ATP9A: variants seen among roughly 807,000 people sequenced by gnomAD.
ATP9A encodes ATPase phospholipid transporting 9A.
Under a neutral mutation model 144.1 loss-of-function variants are expected in ATP9A, and 52 were observed. That is an observed-to-expected ratio of 0.36 (90% CI 0.29 to 0.45). The LOEUF (loss-of-function observed/expected upper bound fraction) is 0.45, where lower values mean the gene tolerates loss of function less well. Among genes scored for constraint, ATP9A ranks in the 20% least tolerant of loss-of-function variants. ATP9A has a pLI of 1.00. For synonymous variants in ATP9A, 582 were observed against 557.4 expected, an observed-to-expected ratio of 1.04 and a Z score of -0.62; for missense variants, 947 against 1,392.7, an observed-to-expected ratio of 0.68 and a Z score of 5.09.
In ATP9A at chr20:51,744,166, TTTTG is replaced by T. The variant is rs568662482; in HGVS notation, c.69-14192_69-14189del. Among the ~76,000 whole-genome samples the T allele has an allele frequency of 3.7e-4, 56 of 152,202 alleles. 1 individual carries two copies. Among genetic ancestry groups the T allele is most frequent in the South Asian group, 2.9e-3 (14 of 4,818 alleles). On this transcript the variant is annotated intron_variant, in intron 1 of 27. Coordinates refer to ENST00000338821, the MANE Select transcript of ATP9A (RefSeq NM_006045.3). ...CCATTTATTTATTATTTTATTTATTTTTTGTTTGTTTGTTTTTGAGACAGGGTCT... is the reference window on the plus strand; with the variant it reads ...CCATTTATTTATTATTTTATTTATTTTTTGTTTGTTTTTGAGACAGGGTCT...
At position 51,598,393 on chromosome 20, in the gene ATP9A, G is replaced by A. The variant is rs1274494916; in HGVS notation, c.*2818C>T. Reference sequence around the variant, plus strand: ...GAAAAGTGTTCAAACAGTGCTGACTGTGTACCTCAAGGCCCTCTGACCTCA... The same window carrying A: ...GAAAAGTGTTCAAACAGTGCTGACTATGTACCTCAAGGCCCTCTGACCTCA... On this transcript the variant is annotated 3_prime_UTR_variant, in exon 28 of 28. Coordinates refer to ENST00000338821, the MANE Select transcript of ATP9A (RefSeq NM_006045.3). 6.6e-5 allele frequency: 10 copies of A among 152,172 alleles called. No individual in the cohort carries two copies. The highest frequency in any genetic ancestry group is 1.5e-4 in the Non-Finnish European group (10 of 68,040). 9.4% of individuals were successfully genotyped at this position (152,172 alleles called of 1,614,324 possible).
chr20:51,613,218 T>C (rs1165291955), intron 23 of ATP9A, among the ~76,000 whole-genome samples: 6 of 152,234 alleles, frequency 3.9e-5, no homozygotes, highest in Admixed American at 3.3e-4. Context: ...TGTTCTCTGA[T>C]GGCCCTTACC....
Position 51,654,197 on chromosome 20 carries a change from C to T in ATP9A, c.1506+2741G>A, listed in dbSNP as rs955031143. ...AGCCTGGTTCAAATGTCAACAGTCA[C>T]GGATGAACTGGGTTTTATAGCTTGA... On this transcript the variant is annotated intron_variant, in intron 14 of 27. Coordinates refer to ENST00000338821, the MANE Select transcript of ATP9A (RefSeq NM_006045.3). 7.2e-5 allele frequency among the ~76,000 whole-genome samples: 11 copies of T among 152,208 alleles called. No individual in the cohort carries two copies. The East Asian group carries it at 1.2e-3, about 16-fold the overall frequency.
intron 1 of ATP9A, among the ~76,000 whole-genome samples, chr20:51,730,326 G>A (rs1351549712): frequency 6.6e-6 from 1 of 152,184 alleles, no homozygotes; most frequent in Non-Finnish European, 1.5e-5. Flanking sequence ...AAATTAGCCG[G>A]GCGTGTTGGC....
chr20:51,713,999 C>T (rs1373057146), intron 3 of ATP9A, among the ~76,000 whole-genome samples: 2 of 151,832 alleles, frequency 1.3e-5, no homozygotes, highest in Non-Finnish European at 2.9e-5. Context: ...CTCCACCTCC[C>T]GGGTTCAAGC....
At chr20:51,644,267 CTTTTTTTT>C (rs772071945) in intron 14 of ATP9A, among the ~76,000 whole-genome samples, 1 of 76,000 alleles carries the variant, frequency 1.3e-5, no homozygotes, top group Non-Finnish European at 2.6e-5. Context: ...TTACTTCTAG[CTTTTTTTT>C]TTTTTTTTTT....
At chr20:51,751,323 G>A (rs377049088) in intron 1 of ATP9A, among the ~76,000 whole-genome samples, 9 of 143,050 alleles carry the variant, frequency 6.3e-5, no homozygotes, top group Admixed American at 4.3e-4. Context: ...GCAGTGACGC[G>A]ATCATGGCTC....
At chr20:51,707,823 A>C (rs1235774354) in intron 4 of ATP9A, among the ~76,000 whole-genome samples, 5 of 151,968 alleles carry the variant, frequency 3.3e-5, no homozygotes, top group African/African-American at 1.2e-4. Flanking sequence ...CCTAGCATAG[A>C]CTTGGTACAT....
At chr20:51,637,471 C>T (rs989701956) in intron 15 of ATP9A, among the ~76,000 whole-genome samples, 1 of 152,008 alleles carries the variant, frequency 6.6e-6, no homozygotes, top group Admixed American at 6.6e-5. Context: ...AGGGAGAAGA[C>T]AGGTGGTGAC....
chr20:51,624,292 C>G (rs2077238809), intron 18 of ATP9A, among the ~76,000 whole-genome samples: 1 of 152,176 alleles, frequency 6.6e-6, no homozygotes, highest in Admixed American at 6.5e-5. Flanking sequence ...AAAGGACAGG[C>G]CCCAGGATGC....
chr20:51,737,491 G>T (rs1375779626), intron 1 of ATP9A, among the ~76,000 whole-genome samples: 2 of 152,084 alleles, frequency 1.3e-5, no homozygotes, highest in African/African-American at 4.8e-5. Flanking sequence ...CACACGTGTG[G>T]GGCCCAATAT....
At chr20:51,738,402 A>G (rs1416540649) in intron 1 of ATP9A, among the ~76,000 whole-genome samples, 1 of 152,184 alleles carries the variant, frequency 6.6e-6, no homozygotes, top group Non-Finnish European at 1.5e-5. Flanking sequence ...CACAAGCTCC[A>G]TCGAAAGTGT....
intron 15 of ATP9A, among the ~76,000 whole-genome samples, chr20:51,636,952 A>C (rs529580063): frequency 5.5e-4 from 83 of 152,280 alleles, no homozygotes; most frequent in African/African-American, 1.9e-3. Context: ...TTAGCCGGGC[A>C]TGGTGGCGCA....
chr20:51,759,196 T>C (rs958483509), intron 1 of ATP9A, among the ~76,000 whole-genome samples: 1 of 152,152 alleles, frequency 6.6e-6, no homozygotes, highest in Non-Finnish European at 1.5e-5. Context: ...ACTGTTCTCA[T>C]CCCAGGGGGG....
chr20:51,705,665 A>G (rs1601116613), intron 4 of ATP9A, among the ~76,000 whole-genome samples: 1 of 152,184 alleles, frequency 6.6e-6, no homozygotes, highest in Non-Finnish European at 1.5e-5. Context: ...CCTGGTATGA[A>G]CACCCATGGA....
intron 22 of ATP9A, among the ~76,000 whole-genome samples, chr20:51,614,611 A>G (rs2077196089): frequency 6.6e-6 from 1 of 152,112 alleles, no homozygotes; most frequent in Non-Finnish European, 1.5e-5. Flanking sequence ...GAATTCTCTC[A>G]TTTTAAAAGG....
At position 51,639,456 on chromosome 20, in the gene ATP9A, G is replaced by A. The variant is rs1209709579; in HGVS notation, c.1555C>T (p.Arg519Ter). Residue 519 changes from arginine (R) to a stop codon, truncating the protein, a stop_gained, in exon 15 of 28, where the codon CGA becomes TGA. Coordinates refer to ENST00000338821, the MANE Select transcript of ATP9A (RefSeq NM_006045.3). LOFTEE classifies it high-confidence loss of function. ...TESVGLTLVG[R>*]DQSSMQLRTP... ...CTCAGCTGCATGGAAGACTGGTCTC[G>A]GCCCACCAGGGTTAAGCCCACACTT... 3 of 1,613,614 alleles carry A rather than the reference G, an allele frequency of 1.9e-6. No homozygotes were observed. Among genetic ancestry groups the A allele is most frequent in the African/African-American group, 1.3e-5 (1 of 74,870 alleles).
chr20:51,674,663 T>G (rs935380903), intron 10 of ATP9A, among the ~76,000 whole-genome samples: 6 of 152,152 alleles, frequency 3.9e-5, no homozygotes, highest in Non-Finnish European at 8.8e-5. Flanking sequence ...GTGTGCTGAA[T>G]AGCCTCCACC....
intron 1 of ATP9A, among the ~76,000 whole-genome samples, chr20:51,763,633 A>C (rs1312923053): frequency 6.6e-6 from 1 of 152,108 alleles, no homozygotes; most frequent in Non-Finnish European, 1.5e-5. Flanking sequence ...CTTTCAATAG[A>C]TGTATGCTAT....
Sources: allele counts gnomAD v4.1 joint callset (sites outside exome capture counted in the v4.1 genomes callset), GRCh38; gene constraint gnomAD v4.1.1; transcripts MANE v1.5; gene names NCBI Gene and HGNC (gene_info 2026-07-23, HGNC 2026-07-21).